Variants in FNDC3B observed in about 807,000 individuals in gnomAD.
FNDC3B encodes fibronectin type III domain containing 3B.
Under a neutral mutation model 151.5 loss-of-function variants are expected in FNDC3B, and 12 were observed. That is an observed-to-expected ratio of 0.08 (90% CI 0.05 to 0.13). The LOEUF (loss-of-function observed/expected upper bound fraction) is 0.13, where lower values mean the gene tolerates loss of function less well. Ranked by LOEUF, FNDC3B falls within the 10% of genes least tolerant of loss-of-function variation. The probability of loss-of-function intolerance (pLI) is 1.00; values close to 1 mark genes in which losing one functional copy is unlikely to be tolerated. For missense variants in FNDC3B, 1,214 were observed against 1,505.3 expected, an observed-to-expected ratio of 0.81 and a Z score of 3.20; for synonymous variants, 528 against 549.0, an observed-to-expected ratio of 0.96 and a Z score of 0.54.
At chr3:172,117,308 T>TA (rs1720307640) in intron 2 of FNDC3B, among the ~76,000 whole-genome samples, 1 of 152,202 alleles carries the variant, frequency 6.6e-6, no homozygotes, top group Non-Finnish European at 1.5e-5. Flanking sequence ...GTGTGGCTAT[T>TA]ATAAATGATG....
chr3:172,325,943 C>T (rs911383544), intron 11 of FNDC3B, among the ~76,000 whole-genome samples: 1 of 152,180 alleles, frequency 6.6e-6, no homozygotes, highest in Non-Finnish European at 1.5e-5. Flanking sequence ...CCTGCCTCAG[C>T]CTCCCAAGTA....
intron 11 of FNDC3B, among the ~76,000 whole-genome samples, chr3:172,324,536 G>A (rs1732246871): frequency 6.6e-6 from 1 of 150,678 alleles, no homozygotes; most frequent in South Asian, 2.1e-4. Context: ...CAGTTGGTTT[G>A]TACTCCAAGA....
chr3:172,265,946 TAAAAGA>T (rs1425973530), intron 6 of FNDC3B, among the ~76,000 whole-genome samples: 1 of 152,180 alleles, frequency 6.6e-6, no homozygotes, highest in African/African-American at 2.4e-5. Context: ...AACAATAAGT[TAAAAGA>T]AAAAGATAGG....
At position 172,340,849 on chromosome 3, in the gene FNDC3B, A is replaced by T. The variant is rs996105079; in HGVS notation, c.1853-264A>T. ...CTCCATGCCAGCGGCACGTTTCATT[A>T]TGGTTTCCCACATCCAAACCTCATA... is the stretch of plus-strand genomic sequence containing the variant. On this transcript the variant is annotated intron_variant, in intron 16 of 25. Coordinates refer to ENST00000415807, the MANE Select transcript of FNDC3B (RefSeq NM_022763.4). 8.5e-5 allele frequency among the ~76,000 whole-genome samples: 13 copies of T among 152,276 alleles called. No individual in the cohort carries two copies. The East Asian group carries it at 2.3e-3, about 27-fold the overall frequency.
intron 3 of FNDC3B, among the ~76,000 whole-genome samples, chr3:172,167,824 A>T (rs1723081171): frequency 6.6e-6 from 1 of 152,054 alleles, no homozygotes; most frequent in South Asian, 2.1e-4. Context: ...TAGGTTGCGT[A>T]CTCCTTATAA....
intron 1 of FNDC3B, among the ~76,000 whole-genome samples, chr3:172,063,069 C>T (rs943845883): frequency 1.3e-5 from 2 of 152,152 alleles, no homozygotes; most frequent in African/African-American, 2.4e-5. Context: ...TTTCTTTACA[C>T]GTATCTTTTC....
chr3:172,216,398 A>T (rs1049289636), intron 3 of FNDC3B, among the ~76,000 whole-genome samples: 2 of 152,168 alleles, frequency 1.3e-5, no homozygotes. Flanking sequence ...TGGGCACAGT[A>T]ACTCGCACCT....
chr3:172,255,239 T>C (rs1728267304), intron 6 of FNDC3B, among the ~76,000 whole-genome samples: 1 of 152,190 alleles, frequency 6.6e-6, no homozygotes. Flanking sequence ...CCTGCATTCC[T>C]GGACCACTGT....
chr3:172,385,676 A>C (rs901501940), intron 25 of FNDC3B, among the ~76,000 whole-genome samples: 2 of 150,796 alleles, frequency 1.3e-5, no homozygotes, highest in African/African-American at 4.9e-5. Context: ...CTCCTGCCTC[A>C]GCCTCCCGAG....
chr3:172,291,911 C>T (rs1334261383), intron 7 of FNDC3B, among the ~76,000 whole-genome samples: 2 of 152,116 alleles, frequency 1.3e-5, no homozygotes, highest in Admixed American at 6.5e-5. Flanking sequence ...GCTCTGAAAT[C>T]GGCATGAACC....
intron 5 of FNDC3B, among the ~76,000 whole-genome samples, chr3:172,248,160 T>C (rs2108771788): frequency 6.6e-6 from 1 of 152,290 alleles, no homozygotes; most frequent in South Asian, 2.1e-4. Flanking sequence ...ATCCATATGA[T>C]CTACCAGTTA....
At chr3:172,257,412 C>T (rs555850804) in intron 6 of FNDC3B, among the ~76,000 whole-genome samples, 3 of 152,170 alleles carry the variant, frequency 2.0e-5, no homozygotes, top group African/African-American at 7.2e-5. Flanking sequence ...TTCACTAAGC[C>T]GTGGTTTCCC....
intron 6 of FNDC3B, among the ~76,000 whole-genome samples, chr3:172,279,057 A>G (rs1466361156): frequency 6.6e-6 from 1 of 152,192 alleles, no homozygotes; most frequent in East Asian, 1.9e-4. Context: ...ATAGAATCTT[A>G]CTAGTATTTC....
At chr3:172,276,573 A>C (rs1729443306) in intron 6 of FNDC3B, among the ~76,000 whole-genome samples, 1 of 152,186 alleles carries the variant, frequency 6.6e-6, no homozygotes, top group African/African-American at 2.4e-5. Flanking sequence ...TGTCAGGTAA[A>C]AGGGCATAAT....
At chr3:172,147,063 T>TG (rs1454641742) in intron 3 of FNDC3B, among the ~76,000 whole-genome samples, 1 of 152,064 alleles carries the variant, frequency 6.6e-6, no homozygotes, top group Admixed American at 6.5e-5. Flanking sequence ...ATCAGCACCG[T>TG]GGGAGGCCAA....
At chr3:172,141,678 C>G (rs1721638351) in intron 3 of FNDC3B, among the ~76,000 whole-genome samples, 1 of 151,988 alleles carries the variant, frequency 6.6e-6, no homozygotes, top group Admixed American at 6.6e-5. Flanking sequence ...CTCTATTTCC[C>G]CCTAAATACC....
At chr3:172,132,790 C>A (rs1471588572) in intron 2 of FNDC3B, among the ~76,000 whole-genome samples, 1 of 152,144 alleles carries the variant, frequency 6.6e-6, no homozygotes, top group Non-Finnish European at 1.5e-5. Context: ...TTGATTAGAA[C>A]TATTAATAAA....
At chr3:172,168,719 C>CTTTTTTTTTTTTTTTT (rs775314296) in intron 3 of FNDC3B, among the ~76,000 whole-genome samples, 1 of 133,194 alleles carries the variant, frequency 7.5e-6, no homozygotes, top group African/African-American at 2.9e-5. Context: ...TTTTCTTTTA[C>CTTTTTTTTTTTTTTTT]TTTTTTTTTT....
chr3:172,340,083 T>C (rs1733215406), intron 16 of FNDC3B, among the ~76,000 whole-genome samples: 1 of 151,708 alleles, frequency 6.6e-6, no homozygotes, highest in Admixed American at 6.6e-5. Context: ...AACAGAGGAG[T>C]GAAGAGCCTC....
Sources: allele counts gnomAD v4.1 joint callset (sites outside exome capture counted in the v4.1 genomes callset), GRCh38; gene constraint gnomAD v4.1.1; transcripts MANE v1.5; gene names NCBI Gene and HGNC (gene_info 2026-07-23, HGNC 2026-07-21).